GUCY2F: variants seen among roughly 807,000 people sequenced by gnomAD.
GUCY2F encodes the protein guanylate cyclase 2F, retinal, also known as retinal guanylyl cyclase 2.
A neutral mutation model predicts 73.1 loss-of-function variants in GUCY2F; 61 were observed. That is an observed-to-expected ratio of 0.83 (90% CI 0.68 to 1.03). GUCY2F has a LOEUF of 1.03. GUCY2F is among the 50% of genes least tolerant of loss of function. GUCY2F has a pLI of 0.00. For missense variants in GUCY2F, 912 were observed against 854.3 expected (o/e 1.07, Z -0.84); for synonymous variants, 331 against 307.8 (o/e 1.08, Z -0.79).
At chrX:109,408,907 C>A in intron 9 of GUCY2F, 85 bp downstream of exon 9, 1 of 527,366 alleles carries the variant, frequency 1.9e-6, no homozygotes, top group Non-Finnish European at 3.3e-6. Context: ...ATGATCACAA[C>A]AATCTGAGGA....
intron 12 of GUCY2F, among the ~76,000 whole-genome samples, chrX:109,393,672 G>A (rs905648625): frequency 1.8e-5 from 2 of 111,478 alleles, no homozygotes; most frequent in Non-Finnish European, 3.8e-5. Flanking sequence ...AACTGATTTT[G>A]CCCCCATTCT....
chrX:109,395,562 CT>C, intron 11 of GUCY2F, 73 bp from the exon 12 acceptor site: 1 of 926,845 alleles, frequency 1.1e-6, no homozygotes. Flanking sequence ...AGATAACTGA[CT>C]TTTAGCCAAG....
At chrX:109,447,217 C>T (rs1194603918) in intron 6 of GUCY2F, among the ~76,000 whole-genome samples, 6 of 111,461 alleles carry the variant, frequency 5.4e-5, no homozygotes, top group South Asian at 3.8e-4. Context: ...GACAGTGTGG[C>T]GATTCCTCAA....
intron 3 of GUCY2F, among the ~76,000 whole-genome samples, chrX:109,461,372 C>A (rs561249122): frequency 1.8e-5 from 2 of 112,228 alleles, no homozygotes; most frequent in South Asian, 7.4e-4. Context: ...GTGTTTGTAT[C>A]GCTTTGATAG....
rs750859377 is a variant in GUCY2F at position 109,452,067 on chromosome X, C to A, written c.1428G>T (p.Leu476Phe). Residue 476 changes from leucine to phenylalanine, a missense_variant, in exon 5 of 20, where the codon TTG becomes TTT. Transcript: ENST00000218006. ...PAFAMMVCLT[L>F]LIALLSINGF... is the part of the protein sequence containing the mutation. ...CATTAATAGACAGCAGGGCTATAAGCAAAGTAAGGCAGACCATCATGGCAA... is the reference window on the plus strand; with the variant it reads ...CATTAATAGACAGCAGGGCTATAAGAAAAGTAAGGCAGACCATCATGGCAA... The A allele has an allele frequency of 8.8e-7, 1 of 1,131,917 alleles. No homozygotes were observed. The highest frequency in any genetic ancestry group is 2.2e-5 in the Admixed American group (1 of 45,777). 93.3% of individuals were successfully genotyped at this position (1,131,917 alleles called of 1,213,427 possible). A position where few individuals can be genotyped will look rare whatever the true frequency, so the allele number is the denominator to read the frequency against.
Position 109,408,973 on chromosome X carries a change from CCT to C in GUCY2F, c.1968+17_1968+18del. 1.1e-6 allele frequency: 1 copy of C among 897,756 alleles called. No homozygotes were observed. The highest frequency in any genetic ancestry group is 1.6e-6 in the Non-Finnish European group (1 of 621,688). The allele number at this position is 897,756 out of a possible 1,213,427, so 74.0% of individuals were successfully genotyped here. On this transcript the variant is annotated intron_variant, in intron 9 of 19. Coordinates refer to ENST00000218006, the MANE Select transcript of GUCY2F (RefSeq NM_001522.3). ...AATCTACAGAGAAAATCCAAGATTT[CCT>C]CAGTCTTCCCATTAACCTTTATGAG...
At chrX:109,452,595 TG>T (rs1445692351) in intron 4 of GUCY2F, among the ~76,000 whole-genome samples, 1 of 112,012 alleles carries the variant, frequency 8.9e-6, no homozygotes, top group Non-Finnish European at 1.9e-5. Context: ...TGATAATTAG[TG>T]TTTTCATCAG....
intron 3 of GUCY2F, among the ~76,000 whole-genome samples, chrX:109,457,131 G>A (rs761056844): frequency 2.7e-5 from 3 of 112,069 alleles, no homozygotes; most frequent in Non-Finnish European, 3.8e-5. Context: ...AATTAGTTAT[G>A]AATGATAATT....
In GUCY2F at chrX:109,421,858, T is replaced by C. The variant is rs369785146; in HGVS notation, c.1791+8449A>G. Among the ~76,000 whole-genome samples the C allele has an allele frequency of 9.9e-5, 11 of 111,654 alleles. No homozygotes were observed. The East Asian group carries it at 1.4e-3, about 14-fold the overall frequency. On this transcript the variant is annotated intron_variant, in intron 8 of 19. Coordinates refer to ENST00000218006, the MANE Select transcript of GUCY2F (RefSeq NM_001522.3). Reference sequence around the variant, plus strand: ...AGCCAAATGTTCAACAGGAGAATGATAAATTGTGATATAGTCATAAAATGA... The same window carrying C: ...AGCCAAATGTTCAACAGGAGAATGACAAATTGTGATATAGTCATAAAATGA...
intron 8 of GUCY2F, among the ~76,000 whole-genome samples, chrX:109,429,414 CAAAA>C (rs60670014): frequency 4.8e-5 from 2 of 41,946 alleles, no homozygotes; most frequent in African/African-American, 1.8e-4. Context: ...AATTCCAGCT[CAAAA>C]AAAAAAAAAA....
chrX:109,435,917 T>C (rs1292956156), intron 7 of GUCY2F, among the ~76,000 whole-genome samples: 9 of 111,563 alleles, frequency 8.1e-5, no homozygotes, highest in Admixed American at 7.6e-4. Context: ...TCTGTTTATA[T>C]GCTGGATTAC....
intron 9 of GUCY2F, 106 bp downstream of exon 9, chrX:109,408,886 T>G (rs1309968289): frequency 2.0e-6 from 1 of 491,057 alleles, no homozygotes; most frequent in East Asian, 3.4e-5. Flanking sequence ...ATACAGAAAG[T>G]AAGGAGTGAA....
rs1174747404 is a variant in GUCY2F, at chrX:109,475,356, T to C, written c.581A>G (p.Asp194Gly). The change falls in exon 2 of 20, where the codon GAT (aspartate) becomes GGT (glycine). Residue 194 changes from aspartate (D) to glycine (G), a missense_variant. Physicochemically the swap from Asp to Gly is moderately conservative, Grantham distance 94. Transcript: ENST00000218006. ...GGCTGTATGCACCCAAATGTCTTCA[T>C]CTGAGGAAATGACTCCAGCATGAGC... ...QWAHAGVISSDEDIWVHTANR... is the reference protein window; with the variant it reads ...QWAHAGVISSGEDIWVHTANR... 2.5e-6 allele frequency: 3 copies of C among 1,209,497 alleles called. No individual in the cohort carries two copies. The highest frequency in any genetic ancestry group is 3.4e-6 in the Non-Finnish European group (3 of 894,797).
intron 17 of GUCY2F, among the ~76,000 whole-genome samples, chrX:109,381,143 A>G (rs1930297769): frequency 8.9e-6 from 1 of 112,490 alleles, no homozygotes; most frequent in Non-Finnish European, 1.9e-5. Context: ...TAGACCTTCC[A>G]AACTTTAACA....
At chrX:109,379,975 C>T (rs1164653816) in intron 17 of GUCY2F, among the ~76,000 whole-genome samples, 1 of 111,778 alleles carries the variant, frequency 8.9e-6, no homozygotes, top group African/African-American at 3.3e-5. Context: ...ACTCAACTGC[C>T]CTATGTTCTC....
chrX:109,386,118 C>T (rs116534663), intron 15 of GUCY2F, among the ~76,000 whole-genome samples: 224 of 111,378 alleles, frequency 2.0e-3, no homozygotes, highest in African/African-American at 6.9e-3. Context: ...TCTGTTTTTA[C>T]GGCTAGGCAC....
At chrX:109,443,907 G>A (rs187964004) in intron 6 of GUCY2F, among the ~76,000 whole-genome samples, 2 of 111,972 alleles carry the variant, frequency 1.8e-5, no homozygotes, top group African/African-American at 3.2e-5. Context: ...TCCATTTCTC[G>A]ATAAAACATC....
chrX:109,387,005 TAA>T (rs1285268105), intron 15 of GUCY2F, among the ~76,000 whole-genome samples: 8 of 111,236 alleles, frequency 7.2e-5, no homozygotes, highest in Non-Finnish European at 1.5e-4. Flanking sequence ...CAAACATGAG[TAA>T]GATATGCTTC....
intron 8 of GUCY2F, among the ~76,000 whole-genome samples, chrX:109,425,252 T>G (rs1005861212): frequency 1.8e-5 from 2 of 111,183 alleles, no homozygotes; most frequent in Non-Finnish European, 3.8e-5. Flanking sequence ...TGTACACGCA[T>G]GTTTACAGCA....
Sources: gnomAD v4.1 joint callset for allele counts (sites outside exome capture counted in the v4.1 genomes callset) on GRCh38, gnomAD v4.1.1 for gene constraint, MANE v1.5 for transcripts, NCBI Gene and HGNC (gene_info 2026-07-23, HGNC 2026-07-21) for gene names.